NHSL2: variants seen among roughly 807,000 people sequenced by gnomAD.
NHSL2 encodes NHS like 2.
In NHSL2, 27 loss-of-function variants were observed where a neutral mutation model predicts 53.4. That is an observed-to-expected ratio of 0.51 (90% CI 0.37 to 0.70). The LOEUF (loss-of-function observed/expected upper bound fraction) is 0.70. Ranked by LOEUF, NHSL2 falls within the 30% of genes least tolerant of loss-of-function variation. NHSL2 has a pLI of 0.00. For synonymous variants in NHSL2, 408 were observed against 404.1 expected (o/e 1.01, Z -0.12); for missense variants, 892 against 980.1 (o/e 0.91, Z 1.20).
intron 1 of NHSL2, among the ~76,000 whole-genome samples, chrX:72,047,004 C>A (rs774115213): frequency 1.2e-4 from 13 of 111,666 alleles, no homozygotes; most frequent in African/African-American, 3.3e-4. Context: ...GTGGCAGAGC[C>A]GGAATTAAAA....
In NHSL2 at chrX:72,090,306, C is replaced by A. The variant is rs1392377289; in HGVS notation, c.281-41773C>A. On this transcript the variant is annotated intron_variant, in intron 1 of 7. Coordinates refer to ENST00000633930, the MANE Select transcript of NHSL2 (RefSeq NM_001013627.3). ...TGTCAAACTCCTGAGCTCAAGCGAT[C>A]CTCCTGCCTCAGCCTCCCAAAGTGC... 4.5e-5 allele frequency among the ~76,000 whole-genome samples: 5 copies of A among 111,460 alleles called. No individual in the cohort carries two copies. The Admixed American group carries it at 4.8e-4, about 11-fold the overall frequency.
chrX:71,914,209 T>A (rs1206440643), intron 1 of NHSL2, among the ~76,000 whole-genome samples: 1 of 112,451 alleles, frequency 8.9e-6, no homozygotes, highest in East Asian at 2.8e-4. Flanking sequence ...TGGTTTTGAA[T>A]GTGTCCTGTT....
At chrX:71,926,570 C>T (rs2041686641) in intron 1 of NHSL2, among the ~76,000 whole-genome samples, 1 of 109,711 alleles carries the variant, frequency 9.1e-6, no homozygotes, top group Non-Finnish European at 1.9e-5. Context: ...GCTCAAGAAC[C>T]GTTGGTTTAG....
intron 1 of NHSL2, among the ~76,000 whole-genome samples, chrX:71,967,438 C>T (rs959733384): frequency 9.0e-6 from 1 of 111,324 alleles, no homozygotes; most frequent in Non-Finnish European, 1.9e-5. Context: ...TATAAATTTC[C>T]TTCTAAGCAC....
At chrX:72,097,237 G>T (rs1202141334) in intron 1 of NHSL2, among the ~76,000 whole-genome samples, 4 of 112,065 alleles carry the variant, frequency 3.6e-5, no homozygotes, top group Non-Finnish European at 7.5e-5. Context: ...AATGGGAAGG[G>T]CCACAGACAA....
intron 1 of NHSL2, among the ~76,000 whole-genome samples, chrX:72,108,702 TG>T (rs777711263): frequency 1.8e-5 from 2 of 112,185 alleles, no homozygotes; most frequent in Non-Finnish European, 3.8e-5. Context: ...AGGCCTTGGA[TG>T]GGCTTTCTAG....
chrX:72,117,069 C>A (rs1485442325), intron 1 of NHSL2, among the ~76,000 whole-genome samples: 1 of 110,585 alleles, frequency 9.0e-6, no homozygotes, highest in Non-Finnish European at 1.9e-5. Context: ...AAGATCAAGA[C>A]CCAGGTCAGA....
chrX:72,110,687 C>T (rs2042084098), intron 1 of NHSL2, among the ~76,000 whole-genome samples: 1 of 94,088 alleles, frequency 1.1e-5, no homozygotes, highest in Admixed American at 1.3e-4. Context: ...GGACGCTGAA[C>T]GGCTTGTCCC....
At chrX:72,067,834 TGA>T (rs1431015409) in intron 1 of NHSL2, among the ~76,000 whole-genome samples, 2 of 112,127 alleles carry the variant, frequency 1.8e-5, no homozygotes, top group Non-Finnish European at 3.8e-5. Context: ...CCCACTAGGC[TGA>T]GACAGCCTGA....
At chrX:72,130,222 T>C (rs1266454480) in intron 1 of NHSL2, 1 of 1,207,948 alleles carries the variant, frequency 8.3e-7, no homozygotes, top group East Asian at 3.0e-5. Context: ...CCCTGGATCC[T>C]GCTGTGGCTC....
chrX:72,143,472 TCCC>T lies in NHSL2; in HGVS notation c.3577_3579del (p.Pro1193del). On this transcript the variant is annotated inframe_deletion, in exon 8 of 8. Coordinates refer to ENST00000633930, the MANE Select transcript of NHSL2 (RefSeq NM_001013627.3). ...GAAGTAAGGCAACTCCAAGGTCTCG[TCCC>T]TCAGCAGCTGAACTTCTGAAGACCA... The T allele has an allele frequency of 8.6e-7, 1 of 1,166,026 alleles. No individual in the cohort carries two copies. Among genetic ancestry groups the T allele is most frequent in the Non-Finnish European group, 1.1e-6 (1 of 871,448 alleles).
In NHSL2 at chrX:72,046,144, A is replaced by C. The variant is rs757439951; in HGVS notation, c.281-85935A>C. Among the ~76,000 whole-genome samples, 6 of 112,306 alleles carry C rather than the reference A, an allele frequency of 5.3e-5. No individual in the cohort carries two copies. In the East Asian group the frequency reaches 1.7e-3, roughly 31 times the overall value. ...ATTGGTCTGTTTCCCCGAATTCCCT[A>C]GGTCCTGCATTTCTAACCTTTTAAG... is the stretch of plus-strand genomic sequence containing the variant. On this transcript the variant is annotated intron_variant, in intron 1 of 7. Coordinates refer to ENST00000633930, the MANE Select transcript of NHSL2 (RefSeq NM_001013627.3).
At chrX:71,980,558 GGGGTGTGTGGGGTGTGTGTGT>G (rs1295459874) in intron 1 of NHSL2, among the ~76,000 whole-genome samples, 1 of 1,955 alleles carries the variant, frequency 5.1e-4, no homozygotes, top group Non-Finnish European at 2.0e-3. Context: ...GTGTGTGTGT[GGGGTGTGTGGGGTGTGTGTGT>G]GTGTGTGTGT....
intron 1 of NHSL2, among the ~76,000 whole-genome samples, chrX:72,115,431 C>CGGGG (rs11336322): frequency 1.0e-3 from 16 of 15,990 alleles, no homozygotes; most frequent in East Asian, 5.2e-3. Context: ...TTGGTGGGGG[C>CGGGG]GGGGGGGGGG....
rs1012933396 is a variant in NHSL2, at chrX:72,152,115, G to C, written c.*8541G>C. On this transcript the variant is annotated 3_prime_UTR_variant, in exon 8 of 8. Coordinates refer to ENST00000633930, the MANE Select transcript of NHSL2 (RefSeq NM_001013627.3). ...AGCACACCACCTCCTCCTGTGTTTT[G>C]AATCTCTAAATGAATTCTGTTCTAA... The C allele has an allele frequency of 8.9e-6, 1 of 112,774 alleles. No homozygotes were observed. Among genetic ancestry groups the C allele is most frequent in the African/African-American group, 3.2e-5 (1 of 30,978 alleles). The allele number at this position is 112,774 out of a possible 1,213,427, so 9.3% of individuals were successfully genotyped here.
chrX:71,911,382 C>T lies in NHSL2; in HGVS notation c.280+15C>T. On this transcript the variant is annotated intron_variant, in intron 1 of 7. Coordinates refer to ENST00000633930, the MANE Select transcript of NHSL2 (RefSeq NM_001013627.3). ...GGAAGAGCTAGGTAAAAACGGCGCCCCGGTGGCTCGCGGCCCCGCGTCTAC... is the reference window on the plus strand; with the variant it reads ...GGAAGAGCTAGGTAAAAACGGCGCCTCGGTGGCTCGCGGCCCCGCGTCTAC... 3 of 1,047,385 alleles carry T rather than the reference C, an allele frequency of 2.9e-6. No individual in the cohort carries two copies. The highest frequency in any genetic ancestry group is 1.9e-5 in the African/African-American group (1 of 51,599). The allele number at this position is 1,047,385 out of a possible 1,213,427, so 86.3% of individuals were successfully genotyped here.
intron 1 of NHSL2, among the ~76,000 whole-genome samples, chrX:71,955,240 G>T (rs1267731954): frequency 8.9e-6 from 1 of 112,071 alleles, no homozygotes; most frequent in East Asian, 2.8e-4. Context: ...GTGCCTGATG[G>T]TGTAGCCCAC....
intron 1 of NHSL2, among the ~76,000 whole-genome samples, chrX:71,982,819 C>A (rs971658201): frequency 5.4e-5 from 6 of 111,981 alleles, no homozygotes; most frequent in African/African-American, 2.0e-4. Context: ...TTATTATAGA[C>A]CAGTAAATGT....
intron 4 of NHSL2, among the ~76,000 whole-genome samples, chrX:72,136,707 T>C (rs1249103180): frequency 8.9e-6 from 1 of 112,362 alleles, no homozygotes; most frequent in Non-Finnish European, 1.9e-5. Context: ...CACCAGTGGT[T>C]CTCACCCCTG....
Sources: gnomAD v4.1 joint callset for allele counts (sites outside exome capture counted in the v4.1 genomes callset) on GRCh38, gnomAD v4.1.1 for gene constraint, MANE v1.5 for transcripts, NCBI Gene and HGNC (gene_info 2026-07-23, HGNC 2026-07-21) for gene names.